HS6ST3: variants seen among roughly 807,000 people sequenced by gnomAD.
The protein encoded by HS6ST3 is heparan-sulfate 6-O-sulfotransferase 3.
HS6ST3 carries 12 observed loss-of-function variants against 36.7 expected under a neutral mutation model. That is an observed-to-expected ratio of 0.33 (90% CI 0.21 to 0.53). HS6ST3 has a LOEUF of 0.53. Ranked by LOEUF, HS6ST3 falls within the 20% of genes least tolerant of loss-of-function variation. HS6ST3 has a pLI of 0.95. For synonymous variants in HS6ST3, 240 were observed against 257.5 expected (o/e 0.93, Z 0.65); for missense variants, 584 against 640.9 (o/e 0.91, Z 0.96).
intron 1 of HS6ST3, among the ~76,000 whole-genome samples, chr13:96,554,232 A>G (rs1391893032): frequency 6.6e-6 from 1 of 152,208 alleles, no homozygotes; most frequent in Non-Finnish European, 1.5e-5. Context: ...AGACACAACC[A>G]TTCAAAATAG....
chr13:96,784,791 G>A (rs1877605695), intron 1 of HS6ST3, among the ~76,000 whole-genome samples: 1 of 152,114 alleles, frequency 6.6e-6, no homozygotes, highest in African/African-American at 2.4e-5. Context: ...TAGAAACAGT[G>A]TTCCATGAAA....
intron 1 of HS6ST3, among the ~76,000 whole-genome samples, chr13:96,141,517 A>T (rs1566892130): frequency 2.0e-5 from 3 of 151,232 alleles, no homozygotes; most frequent in African/African-American, 4.9e-5. Flanking sequence ...TGCCCAGCTA[A>T]TTTTTTTTCA....
intron 1 of HS6ST3, among the ~76,000 whole-genome samples, chr13:96,561,457 T>C (rs940984740): frequency 6.6e-6 from 1 of 152,078 alleles, no homozygotes; most frequent in Non-Finnish European, 1.5e-5. Context: ...GGAAACACCA[T>C]TCTGGAAATG....
intron 1 of HS6ST3, among the ~76,000 whole-genome samples, chr13:96,258,677 T>G (rs2054649618): frequency 6.6e-6 from 1 of 152,180 alleles, no homozygotes; most frequent in Non-Finnish European, 1.5e-5. Context: ...TGCCTTTTTG[T>G]TAGTATATCC....
At chr13:96,302,498 GAATA>G (rs1296833340) in intron 1 of HS6ST3, among the ~76,000 whole-genome samples, 2 of 151,892 alleles carry the variant, frequency 1.3e-5, no homozygotes, top group Non-Finnish European at 2.9e-5. Flanking sequence ...ATCTATTGTT[GAATA>G]AATAATTCAC....
chr13:96,809,365 T>C (rs540879780), intron 1 of HS6ST3, among the ~76,000 whole-genome samples: 84 of 152,338 alleles, frequency 5.5e-4, no homozygotes, highest in African/African-American at 2.0e-3. Flanking sequence ...TATGGATGAA[T>C]GTTATAGGGG....
intron 1 of HS6ST3, among the ~76,000 whole-genome samples, chr13:96,797,504 T>TA (rs1277405672): frequency 3.9e-5 from 6 of 152,088 alleles, no homozygotes; most frequent in Non-Finnish European, 7.4e-5. Flanking sequence ...TTAAAAATTC[T>TA]AAAAAATCTT....
chr13:96,514,098 T>C (rs2056062155), intron 1 of HS6ST3, among the ~76,000 whole-genome samples: 1 of 152,070 alleles, frequency 6.6e-6, no homozygotes, highest in African/African-American at 2.4e-5. Flanking sequence ...TCACATGATG[T>C]GGCTGATTTT....
chr13:96,425,151 C>G (rs1433210816), intron 1 of HS6ST3, among the ~76,000 whole-genome samples: 2 of 152,130 alleles, frequency 1.3e-5, no homozygotes. Context: ...AATGACCTGT[C>G]GAAGCCTCTT....
At chr13:96,527,377 T>G (rs1182803593) in intron 1 of HS6ST3, among the ~76,000 whole-genome samples, 1 of 152,230 alleles carries the variant, frequency 6.6e-6, no homozygotes, top group Non-Finnish European at 1.5e-5. Flanking sequence ...ATAATAAGTA[T>G]TTATTGAGTA....
intron 1 of HS6ST3, among the ~76,000 whole-genome samples, chr13:96,646,682 C>T (rs984255942): frequency 6.6e-5 from 10 of 151,714 alleles, no homozygotes; most frequent in African/African-American, 1.7e-4. Flanking sequence ...CCCTTTATGC[C>T]GATGAAAGTG....
intron 1 of HS6ST3, among the ~76,000 whole-genome samples, chr13:96,410,440 A>G (rs187822083): frequency 6.4e-4 from 97 of 152,308 alleles, no homozygotes; most frequent in Non-Finnish European, 1.2e-3. Context: ...ATAATGAGAT[A>G]TCTTATATTA....
At chr13:96,342,475 C>A (rs540799532) in intron 1 of HS6ST3, among the ~76,000 whole-genome samples, 47 of 152,280 alleles carry the variant, frequency 3.1e-4, no homozygotes, top group African/African-American at 8.7e-4. Context: ...GCCCTTGTAG[C>A]CAACAGAACA....
At chr13:96,107,986 C>T (rs892339188) in intron 1 of HS6ST3, among the ~76,000 whole-genome samples, 76 of 152,056 alleles carry the variant, frequency 5.0e-4, no homozygotes, top group African/African-American at 1.8e-3. Flanking sequence ...AATCTGGGCA[C>T]CTTGAAAAAA....
chr13:96,236,746 A>G (rs975799940), intron 1 of HS6ST3, among the ~76,000 whole-genome samples: 7 of 152,332 alleles, frequency 4.6e-5, no homozygotes, highest in African/African-American at 1.4e-4. Flanking sequence ...CCAAACTGCT[A>G]TCCTACTATA....
chr13:96,686,256 A>G (rs908618272), intron 1 of HS6ST3, among the ~76,000 whole-genome samples: 8 of 152,056 alleles, frequency 5.3e-5, no homozygotes, highest in Non-Finnish European at 8.8e-5. Flanking sequence ...GAAAATAACT[A>G]TCACAAGTGA....
chr13:96,112,578 A>AATATACATATATACATAT (rs397773858), intron 1 of HS6ST3, among the ~76,000 whole-genome samples: 2 of 81,224 alleles, frequency 2.5e-5, no homozygotes, highest in African/African-American at 4.9e-5. Flanking sequence ...AAAATAAATA[A>AATATACATATATACATAT]ATATATATAT....
chr13:96,642,269 A>G (rs2056572893), intron 1 of HS6ST3, among the ~76,000 whole-genome samples: 1 of 151,852 alleles, frequency 6.6e-6, no homozygotes, highest in Non-Finnish European at 1.5e-5. Flanking sequence ...TGACCCTTGT[A>G]TATAATGAAT....
chr13:96,160,788 A>T (rs1210286170), intron 1 of HS6ST3, among the ~76,000 whole-genome samples: 5 of 152,246 alleles, frequency 3.3e-5, no homozygotes, highest in African/African-American at 1.2e-4. Context: ...GATGGGGCAG[A>T]TGGATGTACA....
Sources: gnomAD v4.1 joint callset for allele counts (sites outside exome capture counted in the v4.1 genomes callset) on GRCh38, gnomAD v4.1.1 for gene constraint, MANE v1.5 for transcripts, NCBI Gene and HGNC (gene_info 2026-07-23, HGNC 2026-07-21) for gene names.